Variants in NAV2 observed in about 807,000 individuals in gnomAD.
The protein encoded by NAV2 is neuron navigator 2, also known as helicase, APC down-regulated 1.
In NAV2, 54 loss-of-function variants were observed where a neutral mutation model predicts 223.2. The observed-to-expected ratio is 0.24, with a 90% confidence interval of 0.19 to 0.30. The LOEUF is 0.30. Among genes scored for constraint, NAV2 ranks in the 10% least tolerant of loss-of-function variants. NAV2 has a pLI of 1.00. For missense variants in NAV2, 2,806 were observed against 3,147.5 expected (o/e 0.89, Z 2.60); for synonymous variants, 1,279 against 1,239.3 (o/e 1.03, Z -0.67).
chr11:20,071,425 G>T (rs1431718562), intron 22 of NAV2, among the ~76,000 whole-genome samples: 1 of 152,158 alleles, frequency 6.6e-6, no homozygotes, highest in African/African-American at 2.4e-5. Flanking sequence ...AAACATACGT[G>T]TGCATGCGTC....
At chr11:20,106,704 G>A (rs368377941) in intron 35 of NAV2, among the ~76,000 whole-genome samples, 9 of 151,866 alleles carry the variant, frequency 5.9e-5, no homozygotes, top group African/African-American at 2.2e-4. Context: ...GTGCAATGGT[G>A]TGATCTTGGC....
At chr11:19,555,120 G>A (rs559353792) in intron 1 of NAV2, among the ~76,000 whole-genome samples, 5 of 151,976 alleles carry the variant, frequency 3.3e-5, no homozygotes, top group South Asian at 2.1e-4. Context: ...TGGGTTCCCC[G>A]ATAAACAGAT....
At chr11:19,412,271 G>A (rs181482218) in intron 1 of NAV2, among the ~76,000 whole-genome samples, 17 of 152,304 alleles carry the variant, frequency 1.1e-4, no homozygotes, top group Middle Eastern at 3.4e-3. Flanking sequence ...GGTTTGAGTA[G>A]GCGGTTTTCC....
At chr11:19,872,075 G>A (rs7934251) in intron 4 of NAV2, among the ~76,000 whole-genome samples, 98,216 of 151,994 alleles carry the variant, frequency 0.65, 31,847 homozygotes, top group Non-Finnish European at 0.66. Context: ...ATTCCTTTGG[G>A]AAAGTGGCCC....
chr11:19,763,567 T>G (rs538852750), intron 1 of NAV2, among the ~76,000 whole-genome samples: 2 of 152,314 alleles, frequency 1.3e-5, no homozygotes, highest in East Asian at 3.9e-4. Flanking sequence ...AATTAGAACA[T>G]TCTCCCTTGT....
rs1039217790 is a variant in NAV2 at position 20,064,918 on chromosome 11, A to G, written c.4884+2559A>G. ...GCCCTTGGCATCAGGAAACCAAGCA[A>G]GGTGATCTTCTGAGGCCCCTACAAT... On this transcript the variant is annotated intron_variant, in intron 20 of 37. Transcript: ENST00000349880. 2.0e-5 allele frequency among the ~76,000 whole-genome samples: 3 copies of G among 152,166 alleles called. No homozygotes were observed. The East Asian group carries it at 5.8e-4, about 29-fold the overall frequency.
At chr11:19,741,687 G>GTATA (rs1156844957) in intron 1 of NAV2, among the ~76,000 whole-genome samples, 107 of 21,002 alleles carry the variant, frequency 5.1e-3, no homozygotes, top group African/African-American at 8.4e-3. Context: ...GTGTGTGTGT[G>GTATA]TATATATATA....
At chr11:19,424,317 T>G (rs898323750) in intron 1 of NAV2, among the ~76,000 whole-genome samples, 2 of 152,336 alleles carry the variant, frequency 1.3e-5, no homozygotes, top group Non-Finnish European at 2.9e-5. Flanking sequence ...TATTTGCTGC[T>G]TCCTAGAGGC....
intron 6 of NAV2, among the ~76,000 whole-genome samples, chr11:19,924,386 C>T (rs944616537): frequency 6.6e-6 from 1 of 151,578 alleles, no homozygotes; most frequent in African/African-American, 2.4e-5. Flanking sequence ...TTGGTTTTAT[C>T]CAAAATAAGC....
chr11:19,581,994 G>C (rs1486964011), intron 1 of NAV2, among the ~76,000 whole-genome samples: 1 of 152,174 alleles, frequency 6.6e-6, no homozygotes, highest in African/African-American at 2.4e-5. Flanking sequence ...GTGTAAAATT[G>C]TTCCTATTTC....
intron 1 of NAV2, among the ~76,000 whole-genome samples, chr11:19,702,224 A>C (rs563474622): frequency 6.6e-5 from 10 of 152,342 alleles, no homozygotes; most frequent in Middle Eastern, 3.4e-3. Context: ...GGAAGGGAGA[A>C]TAGACGGAAT....
chr11:19,434,841 G>T (rs553008843), intron 1 of NAV2, among the ~76,000 whole-genome samples: 1 of 140,478 alleles, frequency 7.1e-6, no homozygotes, highest in Non-Finnish European at 1.5e-5. Flanking sequence ...AGAAGCAAAA[G>T]GTTGTGGCTT....
intron 1 of NAV2, among the ~76,000 whole-genome samples, chr11:19,441,913 C>A (rs1436610458): frequency 6.6e-6 from 1 of 152,230 alleles, no homozygotes; most frequent in Non-Finnish European, 1.5e-5. Context: ...TGGTCCTTAT[C>A]TATTTTTCCC....
chr11:19,724,369 A>G (rs944895680), intron 1 of NAV2, among the ~76,000 whole-genome samples: 1 of 152,110 alleles, frequency 6.6e-6, no homozygotes, highest in Admixed American at 6.5e-5. Flanking sequence ...ATCTTTTTTT[A>G]AGAGACTGGG....
intron 1 of NAV2, among the ~76,000 whole-genome samples, chr11:19,366,822 C>A (rs1335099755): frequency 6.6e-6 from 1 of 152,170 alleles, no homozygotes; most frequent in Non-Finnish European, 1.5e-5. Context: ...GGACACATGG[C>A]AGCCACTTGC....
intron 10 of NAV2, among the ~76,000 whole-genome samples, chr11:19,958,907 C>T (rs1370411360): frequency 5.3e-5 from 8 of 152,138 alleles, no homozygotes; most frequent in Admixed American, 3.9e-4. Context: ...CCAGAGTCCA[C>T]GCAGCAGAGC....
chr11:19,794,655 T>C (rs2057771142), intron 1 of NAV2, among the ~76,000 whole-genome samples: 1 of 152,216 alleles, frequency 6.6e-6, no homozygotes, highest in Non-Finnish European at 1.5e-5. Flanking sequence ...TCCTTGGCTT[T>C]GTTCCTAATC....
chr11:20,085,335 C>T (rs1188728209), intron 26 of NAV2, among the ~76,000 whole-genome samples: 1 of 152,112 alleles, frequency 6.6e-6, no homozygotes, highest in Non-Finnish European at 1.5e-5. Context: ...CGATAAAGTA[C>T]AACACAAAGT....
chr11:20,112,779 C>T (rs2062749157), intron 36 of NAV2, among the ~76,000 whole-genome samples: 1 of 152,186 alleles, frequency 6.6e-6, no homozygotes, highest in Non-Finnish European at 1.5e-5. Context: ...GCGGGCTCTG[C>T]TCTTCAGGCC....
Sources: allele counts gnomAD v4.1 joint callset (sites outside exome capture counted in the v4.1 genomes callset), GRCh38; gene constraint gnomAD v4.1.1; transcripts MANE v1.5; gene names NCBI Gene and HGNC (gene_info 2026-07-23, HGNC 2026-07-21).